The following KIF24 variants were observed in gnomAD, a reference collection of about 807,000 sequenced individuals.
The protein encoded by KIF24 is kinesin family member 24, also known as kinesin-like protein KIF24.
In KIF24, 81 loss-of-function variants were observed where a neutral mutation model predicts 118.9. The observed-to-expected ratio is 0.68, with a 90% confidence interval of 0.57 to 0.82. The LOEUF (loss-of-function observed/expected upper bound fraction) is 0.82, where lower values mean the gene tolerates loss of function less well. Ranked by LOEUF, KIF24 falls within the 40% of genes least tolerant of loss-of-function variation. KIF24 has a pLI of 0.00. For missense variants in KIF24, 1,560 were observed against 1,661.6 expected, an observed-to-expected ratio of 0.94 and a Z score of 1.06; for synonymous variants, 599 against 610.0, an observed-to-expected ratio of 0.98 and a Z score of 0.27.
intron 4 of KIF24, among the ~76,000 whole-genome samples, chr9:34,294,285 G>A (rs1836374355): frequency 1.3e-5 from 2 of 152,130 alleles, no homozygotes; most frequent in South Asian, 4.2e-4. Flanking sequence ...CCTATCCTAT[G>A]AGCCAGCAAT....
At chr9:34,309,931 A>T (rs1275401974) in intron 2 of KIF24, among the ~76,000 whole-genome samples, 1 of 151,884 alleles carries the variant, frequency 6.6e-6, no homozygotes, top group African/African-American at 2.4e-5. Context: ...GTTTGCCCAT[A>T]ACTCACATAT....
chr9:34,275,011 G>A (rs1835606497), intron 6 of KIF24, among the ~76,000 whole-genome samples: 1 of 152,136 alleles, frequency 6.6e-6, no homozygotes, highest in African/African-American at 2.4e-5. Flanking sequence ...AGGGTAGTGG[G>A]GATGTAGGGG....
chr9:34,295,526 A>C (rs1442203677), intron 4 of KIF24, among the ~76,000 whole-genome samples: 1 of 152,062 alleles, frequency 6.6e-6, no homozygotes, highest in African/African-American at 2.4e-5. Context: ...AAATACAGAA[A>C]TATTAGCTGG....
rs373141138 is a variant in KIF24, at chr9:34,255,804, G to C, written c.3803C>G (p.Ser1268Cys). The change falls in exon 11 of 13, where the codon TCT (serine) becomes TGT (cysteine). Residue 1268 changes from serine (S) to cysteine (C), a missense_variant. Coordinates refer to ENST00000402558, the MANE Select transcript of KIF24 (RefSeq NM_194313.4). Reference protein sequence around the residue: ...PISRCLARPSSPLVPSCSPKT... With the variant: ...PISRCLARPSCPLVPSCSPKT... ...GGGAGAGCAGCTGGGAACCAAGGGAGAACTTGGCCTTGCTAAGCACCTTGA... is the reference window on the plus strand; with the variant it reads ...GGGAGAGCAGCTGGGAACCAAGGGACAACTTGGCCTTGCTAAGCACCTTGA... 4 of 1,613,862 alleles carry C rather than the reference G, an allele frequency of 2.5e-6. No individual in the cohort carries two copies. Among genetic ancestry groups the C allele is most frequent in the Non-Finnish European group, 3.4e-6 (4 of 1,179,880 alleles).
At chr9:34,294,845 G>T (rs1836400601) in intron 4 of KIF24, among the ~76,000 whole-genome samples, 1 of 152,096 alleles carries the variant, frequency 6.6e-6, no homozygotes, top group Non-Finnish European at 1.5e-5. Context: ...AAGACCTGGG[G>T]GTGAGGGTGG....
At chr9:34,259,091 A>C (rs898194684) in intron 10 of KIF24, among the ~76,000 whole-genome samples, 7 of 152,282 alleles carry the variant, frequency 4.6e-5, no homozygotes, top group Non-Finnish European at 1.0e-4. Context: ...GCTGGCTCTG[A>C]CACCAACTCC....
At chr9:34,294,758 T>C (rs1281462490) in intron 4 of KIF24, among the ~76,000 whole-genome samples, 1 of 152,208 alleles carries the variant, frequency 6.6e-6, no homozygotes, top group Non-Finnish European at 1.5e-5. Flanking sequence ...CATATAAGTA[T>C]AATGATTCTA....
rs1445398478 is a variant in KIF24, at chr9:34,256,785, C to CAT, written c.2821_2822insAT (p.Cys941TyrfsTer5). ...TCTATATATGAAATCTACCTGTGAA[C>CAT]AGTATGGCTTCTCTGCCAGGCTGTC... On this transcript the variant is annotated frameshift_variant, in exon 11 of 13. Coordinates refer to ENST00000402558, the MANE Select transcript of KIF24 (RefSeq NM_194313.4). LOFTEE classifies it high-confidence loss of function. The CAT allele has an allele frequency of 1.2e-6, 2 of 1,614,000 alleles. No homozygotes were observed.
At chr9:34,298,286 C>A (rs1036079117) in intron 3 of KIF24, among the ~76,000 whole-genome samples, 1 of 152,114 alleles carries the variant, frequency 6.6e-6, no homozygotes, top group Non-Finnish European at 1.5e-5. Context: ...GGCTCCACAC[C>A]TGTAATCTCA....
intron 1 of KIF24, chr9:34,319,068 G>A (rs1017546094): frequency 7.7e-6 from 10 of 1,301,946 alleles, no homozygotes; most frequent in South Asian, 2.4e-5. Context: ...GTGGAAAACC[G>A]TGGCTTCATG....
chr9:34,318,995 G>T lies in KIF24; in HGVS notation c.-25-7624C>A. 8.1e-7 allele frequency: 1 copy of T among 1,238,646 alleles called. No individual in the cohort carries two copies. 76.7% of individuals were successfully genotyped at this position (1,238,646 alleles called of 1,614,324 possible). On this transcript the variant is annotated intron_variant, in intron 1 of 12. Coordinates refer to ENST00000402558, the MANE Select transcript of KIF24 (RefSeq NM_194313.4). This position sits in a 1 kb window ranked among gnomAD's most constrained non-coding sequence, Gnocchi z 4.9. ...CAAGGACATGGAGTGCATGGATGGC[G>T]CCCTGCTTGTCAACACCATGTTCTT...
chr9:34,270,888 G>C (rs764142497), intron 7 of KIF24, among the ~76,000 whole-genome samples: 10 of 150,240 alleles, frequency 6.7e-5, no homozygotes, highest in Non-Finnish European at 1.3e-4. Context: ...GATCAATGGG[G>C]TGACAGATGT....
rs1329529914 is a variant in KIF24 at position 34,290,263 on chromosome 9, C to T, written c.1038G>A (p.Val346=). Residue 346 remains valine, a synonymous_variant, in exon 5 of 13, where the codon GTG becomes GTA. Coordinates refer to ENST00000402558, the MANE Select transcript of KIF24 (RefSeq NM_194313.4). ...CAAAGAGGTGCTTTCTTGGCTGGGA[C>T]ACTTCTAGTTGCCTGAAGATATCTT... ...AAKDIFRQLE[V]SQPRKHLFVW... is the part of the protein sequence containing the mutation. 4.3e-6 allele frequency: 7 copies of T among 1,613,794 alleles called. No individual in the cohort carries two copies. The highest frequency in any genetic ancestry group is 2.2e-5 in the East Asian group (1 of 44,884).
In KIF24 at chr9:34,306,080, G is replaced by C. The variant is rs1304895033; in HGVS notation, c.813+172C>G. On this transcript the variant is annotated intron_variant, in intron 3 of 12. Transcript: ENST00000402558. Reference sequence around the variant, plus strand: ...GTCTTTTGAAAAAATGAAGGCCCTGGATATCAATGACTTAATACAGTGTCA... The same window carrying C: ...GTCTTTTGAAAAAATGAAGGCCCTGCATATCAATGACTTAATACAGTGTCA... Among the ~76,000 whole-genome samples the C allele has an allele frequency of 2.0e-5, 3 of 151,912 alleles. No individual in the cohort carries two copies. The East Asian group carries it at 5.8e-4, about 29-fold the overall frequency.
intron 6 of KIF24, among the ~76,000 whole-genome samples, chr9:34,283,834 C>T (rs1835941957): frequency 6.6e-6 from 1 of 152,140 alleles, no homozygotes; most frequent in Admixed American, 6.5e-5. Flanking sequence ...TAAAACCCCA[C>T]AATAAAATAT....
chr9:34,322,793 T>C (rs553100423), intron 1 of KIF24, among the ~76,000 whole-genome samples: 142 of 152,058 alleles, frequency 9.3e-4, no homozygotes, highest in Admixed American at 5.6e-3. Flanking sequence ...GAGGCGGAGG[T>C]TGCAGTGAGC....
chr9:34,306,789 C>G (rs537707385), intron 2 of KIF24, among the ~76,000 whole-genome samples: 1 of 150,812 alleles, frequency 6.6e-6, no homozygotes, highest in South Asian at 2.1e-4. Flanking sequence ...GCGACAGAGC[C>G]AGATTCTGTC....
At position 34,259,661 on chromosome 9, in the gene KIF24, G is replaced by A. The variant is rs200516820; in HGVS notation, c.1560C>T (p.Ile520=). The A allele has an allele frequency of 1.3e-5, 21 of 1,613,822 alleles. No individual in the cohort carries two copies. Among genetic ancestry groups the A allele is most frequent in the East Asian group, 4.5e-5 (2 of 44,898 alleles). The change falls in exon 10 of 13, where the codon ATC becomes ATT. Residue 520 remains isoleucine, a synonymous_variant. Coordinates refer to ENST00000402558, the MANE Select transcript of KIF24 (RefSeq NM_194313.4). ...SFIGNAKTCM[I]ANISPSHVAT... ...CCACGTGGCTTGGTGAGATGTTGGC[G>A]ATCATGCAGGTTTTGGCATTGCCGA...
chr9:34,294,393 TA>T (rs546270547), intron 4 of KIF24, among the ~76,000 whole-genome samples: 6 of 152,086 alleles, frequency 3.9e-5, no homozygotes, highest in Non-Finnish European at 8.8e-5. Context: ...CCATCTCTAC[TA>T]AAAAATAAAA....
Sources: gnomAD v4.1 joint callset for allele counts (sites outside exome capture counted in the v4.1 genomes callset) on GRCh38, gnomAD v4.1.1 for gene constraint, Gnocchi (gnomAD v3.1) non-coding constraint, MANE v1.5 for transcripts, NCBI Gene and HGNC (gene_info 2026-07-23, HGNC 2026-07-21) for gene names.